MACROD2: variants seen among roughly 807,000 people sequenced by gnomAD.
MACROD2 encodes the protein mono-ADP ribosylhydrolase 2, also known as ADP-ribose glycohydrolase MACROD2.
A neutral mutation model predicts 70.4 loss-of-function variants in MACROD2; 36 were observed. That is an observed-to-expected ratio of 0.51 (90% CI 0.39 to 0.68). MACROD2 has a LOEUF of 0.68. Ranked by LOEUF, MACROD2 falls within the 30% of genes least tolerant of loss-of-function variation. The pLI, the probability that MACROD2 is intolerant of heterozygous loss-of-function variation, is 0.00. For synonymous variants in MACROD2, 172 were observed against 178.8 expected, an observed-to-expected ratio of 0.96 and a Z score of 0.30; for missense variants, 496 against 538.4, an observed-to-expected ratio of 0.92 and a Z score of 0.78.
chr20:14,549,264 T>G (rs1484699509), intron 4 of MACROD2, among the ~76,000 whole-genome samples: 2 of 152,228 alleles, frequency 1.3e-5, no homozygotes, highest in Non-Finnish European at 1.5e-5. Flanking sequence ...GAGGAATTAC[T>G]TAAGAAGGTA....
intron 5 of MACROD2, among the ~76,000 whole-genome samples, chr20:15,209,113 TGG>T (rs1336814277): frequency 1.6e-4 from 18 of 111,868 alleles, no homozygotes; most frequent in East Asian, 4.2e-4. Flanking sequence ...GTGGTGGTGG[TGG>T]TATTTATTTA....
chr20:15,334,921 G>T (rs144178558), intron 6 of MACROD2, among the ~76,000 whole-genome samples: 1 of 151,674 alleles, frequency 6.6e-6, no homozygotes, highest in East Asian at 1.9e-4. Flanking sequence ...ACTTGCTATC[G>T]CTCATAACGT....
intron 8 of MACROD2, among the ~76,000 whole-genome samples, chr20:15,621,114 T>C (rs913966956): frequency 1.3e-5 from 2 of 152,192 alleles, no homozygotes; most frequent in Non-Finnish European, 2.9e-5. Flanking sequence ...GTTCATGCTG[T>C]TCTAAAAGTC....
chr20:14,156,083 G>C (rs1038066964), intron 3 of MACROD2, among the ~76,000 whole-genome samples: 3 of 152,128 alleles, frequency 2.0e-5, no homozygotes, highest in Admixed American at 6.6e-5. Flanking sequence ...GATTGCTTCA[G>C]CCTGGAAAGC....
Position 14,658,911 on chromosome 20 carries a change from C to T in MACROD2, c.302-25932C>T, listed in dbSNP as rs558255470. On this transcript the variant is annotated intron_variant, in intron 4 of 17. Transcript: ENST00000684519. The stretch of plus-strand genomic sequence containing the variant: ...TACAGGCATGAGCCACATTGCCTGG[C>T]CTCAAATCTACATTTTAAAAATATT... 9.5e-4 allele frequency among the ~76,000 whole-genome samples: 145 copies of T among 152,294 alleles called. 2 individuals carry two copies. The South Asian group carries it at 0.012, about 13-fold the overall frequency.
chr20:14,147,678 T>C (rs942212372), intron 3 of MACROD2, among the ~76,000 whole-genome samples: 3 of 152,206 alleles, frequency 2.0e-5, no homozygotes, highest in Admixed American at 6.5e-5. Flanking sequence ...CAAGGAATGC[T>C]GAAATTCAGA....
chr20:14,141,345 C>T (rs2054870407), intron 3 of MACROD2, among the ~76,000 whole-genome samples: 1 of 152,146 alleles, frequency 6.6e-6, no homozygotes, highest in Non-Finnish European at 1.5e-5. Flanking sequence ...TCAGAAATAT[C>T]TGTGTTTGAA....
intron 3 of MACROD2, among the ~76,000 whole-genome samples, chr20:14,342,040 C>G (rs1692335319): frequency 6.6e-6 from 1 of 152,054 alleles, no homozygotes; most frequent in South Asian, 2.1e-4. Context: ...TGCACGGAGC[C>G]CTGGGGGGGT....
chr20:14,382,045 A>G (rs978191267), intron 3 of MACROD2, among the ~76,000 whole-genome samples: 11 of 148,676 alleles, frequency 7.4e-5, no homozygotes, highest in South Asian at 2.1e-4. Context: ...TACCACATAT[A>G]CTATAATGGG....
At chr20:15,724,874 A>T (rs1416901864) in intron 8 of MACROD2, among the ~76,000 whole-genome samples, 1 of 152,052 alleles carries the variant, frequency 6.6e-6, no homozygotes, top group Non-Finnish European at 1.5e-5. Flanking sequence ...CGAGGTCAGG[A>T]GATTGAGACC....
chr20:14,426,267 A>G (rs1264918610), intron 3 of MACROD2, among the ~76,000 whole-genome samples: 3 of 151,830 alleles, frequency 2.0e-5, no homozygotes, highest in Non-Finnish European at 2.9e-5. Flanking sequence ...CGATTCTGTC[A>G]ACTTTTTATT....
At chr20:14,578,197 T>TA (rs1980744023) in intron 4 of MACROD2, among the ~76,000 whole-genome samples, 2 of 151,360 alleles carry the variant, frequency 1.3e-5, no homozygotes, top group Admixed American at 1.3e-4. Context: ...AATGGCAGGT[T>TA]TTCTTTTCAC....
intron 4 of MACROD2, among the ~76,000 whole-genome samples, chr20:14,643,237 T>C (rs1205697918): frequency 6.6e-6 from 1 of 152,152 alleles, no homozygotes; most frequent in African/African-American, 2.4e-5. Context: ...CCACTGGGTT[T>C]TAAAACAAAA....
intron 8 of MACROD2, among the ~76,000 whole-genome samples, chr20:15,715,356 A>T (rs559366110): frequency 1.9e-4 from 29 of 152,226 alleles, no homozygotes; most frequent in Admixed American, 1.0e-3. Flanking sequence ...TTCTTTTGCA[A>T]CCCTGATCTT....
intron 8 of MACROD2, among the ~76,000 whole-genome samples, chr20:15,845,175 G>A (rs1199044034): frequency 2.0e-5 from 3 of 152,098 alleles, no homozygotes; most frequent in Non-Finnish European, 4.4e-5. Context: ...GATATAATTA[G>A]TAAAGTTGAG....
chr20:14,213,574 T>C (rs892605288), intron 3 of MACROD2, among the ~76,000 whole-genome samples: 1 of 151,606 alleles, frequency 6.6e-6, no homozygotes, highest in Non-Finnish European at 1.5e-5. Flanking sequence ...TCTGTGAGAG[T>C]TGGCAAATCT....
At chr20:15,491,450 G>T (rs1273558144) in intron 7 of MACROD2, among the ~76,000 whole-genome samples, 2 of 152,188 alleles carry the variant, frequency 1.3e-5, no homozygotes, top group Non-Finnish European at 2.9e-5. Context: ...CAGATTTAAA[G>T]GCAGGGGTTT....
intron 2 of MACROD2, among the ~76,000 whole-genome samples, chr20:14,073,357 A>T (rs1483074574): frequency 6.6e-6 from 1 of 152,116 alleles, no homozygotes; most frequent in African/African-American, 2.4e-5. Flanking sequence ...TGAAATTATG[A>T]TTCACGCAAA....
chr20:15,674,743 GTGTGTGTGTGT>G (rs2050032469), intron 8 of MACROD2, among the ~76,000 whole-genome samples: 1 of 129,204 alleles, frequency 7.7e-6, no homozygotes, highest in Admixed American at 8.0e-5. Flanking sequence ...GTGTGTCTAT[GTGTGTGTGTGT>G]TGTGTGTGTG....
Sources: gnomAD v4.1 joint callset for allele counts (sites outside exome capture counted in the v4.1 genomes callset) on GRCh38, gnomAD v4.1.1 for gene constraint, MANE v1.5 for transcripts, NCBI Gene and HGNC (gene_info 2026-07-23, HGNC 2026-07-21) for gene names.